Variants in POR observed in about 807,000 individuals in gnomAD.
POR encodes cytochrome p450 oxidoreductase.
A neutral mutation model predicts 84.0 loss-of-function variants in POR; 56 were observed. The observed-to-expected ratio is 0.67, with a 90% confidence interval of 0.54 to 0.83. POR has a LOEUF of 0.83. Ranked by LOEUF, POR falls within the 40% of genes least tolerant of loss-of-function variation. POR has a pLI of 0.00. For synonymous variants in POR, 414 were observed against 400.5 expected, an observed-to-expected ratio of 1.03 and a Z score of -0.40; for missense variants, 938 against 944.3, an observed-to-expected ratio of 0.99 and a Z score of 0.09.
intron 3 of POR, among the ~76,000 whole-genome samples, chr7:75,977,298 T>C (rs1445970782): frequency 6.6e-6 from 1 of 152,222 alleles, no homozygotes; most frequent in Non-Finnish European, 1.5e-5. Context: ...GTCTCTAAGA[T>C]ATCACAGAAG....
chr7:75,986,585 C>A lies in POR; in HGVS notation c.*104C>A. On this transcript the variant is annotated 3_prime_UTR_variant, in exon 16 of 16. Coordinates refer to ENST00000461988, the MANE Select transcript of POR (RefSeq NM_000941.3). The stretch of plus-strand genomic sequence containing the variant: ...GTGTTTGGCTTGGCCTTGGCATGGG[C>A]GCAGGCCCAGTGACAAAGACTCCTC... 4 of 1,419,486 alleles carry A rather than the reference C, an allele frequency of 2.8e-6. No individual in the cohort carries two copies. Among genetic ancestry groups the A allele is most frequent in the South Asian group, 1.3e-5 (1 of 76,652 alleles). 87.9% of individuals were successfully genotyped at this position (1,419,486 alleles called of 1,614,324 possible).
At chr7:75,941,789 G>A (rs1554551531) in intron 1 of POR, among the ~76,000 whole-genome samples, 2 of 152,146 alleles carry the variant, frequency 1.3e-5, no homozygotes, top group African/African-American at 2.4e-5. Context: ...ACCAGCCTGG[G>A]CAACTTAGCC....
chr7:75,960,507 G>A (rs1305424569), intron 2 of POR, among the ~76,000 whole-genome samples: 7 of 151,798 alleles, frequency 4.6e-5, no homozygotes, highest in Non-Finnish European at 8.8e-5. Context: ...ACATGGTCTC[G>A]CTCTGTTGCC....
intron 1 of POR, among the ~76,000 whole-genome samples, chr7:75,935,021 C>T (rs985185439): frequency 1.3e-5 from 2 of 152,136 alleles, no homozygotes; most frequent in Non-Finnish European, 2.9e-5. Context: ...AAGGGGGCCA[C>T]TGTCCTCCAG....
At chr7:75,957,702 C>G (rs1396911205) in intron 2 of POR, among the ~76,000 whole-genome samples, 2 of 152,160 alleles carry the variant, frequency 1.3e-5, no homozygotes, top group African/African-American at 2.4e-5. Context: ...TCTCACTGTT[C>G]CTCTTTGCCA....
intron 2 of POR, chr7:75,968,021 G>A (rs1246957130): frequency 6.6e-6 from 3 of 454,514 alleles, no homozygotes; most frequent in African/African-American, 6.0e-5. Flanking sequence ...CCCTGCTGGT[G>A]TCCAGGAGAG....
At chr7:75,931,543 A>AT (rs1357943665) in intron 1 of POR, among the ~76,000 whole-genome samples, 1 of 151,572 alleles carries the variant, frequency 6.6e-6, no homozygotes, top group Non-Finnish European at 1.5e-5. Flanking sequence ...ATTTTTTTGT[A>AT]TTTTTAGTAG....
chr7:75,934,183 TCA>T (rs1807562718), intron 1 of POR, among the ~76,000 whole-genome samples: 1 of 150,156 alleles, frequency 6.7e-6, no homozygotes, highest in African/African-American at 2.4e-5. Context: ...CTTAGATCAC[TCA>T]GTCTTTGTTT....
intron 3 of POR, among the ~76,000 whole-genome samples, chr7:75,977,592 G>A (rs963516020): frequency 2.0e-5 from 3 of 152,112 alleles, no homozygotes; most frequent in Non-Finnish European, 4.4e-5. Flanking sequence ...CCTGGCCAAC[G>A]TGTTGAAACC....
At chr7:75,930,241 A>C (rs1807346107) in intron 1 of POR, among the ~76,000 whole-genome samples, 1 of 152,162 alleles carries the variant, frequency 6.6e-6, no homozygotes, top group Non-Finnish European at 1.5e-5. Flanking sequence ...AGTGCTGTGT[A>C]GACTAGGCAG....
intron 3 of POR, among the ~76,000 whole-genome samples, chr7:75,974,488 G>A (rs1385512042): frequency 6.8e-6 from 1 of 147,714 alleles, no homozygotes; most frequent in Non-Finnish European, 1.5e-5. Context: ...ACCCACCTAG[G>A]TCTAGATGGC....
In POR at chr7:75,981,153, T is replaced by A; in HGVS notation, c.622T>A (p.Leu208Met). The stretch of plus-strand genomic sequence containing the variant: ...CGCCCAGCGCATCTTTGAGCTGGGG[T>A]TGGGCGACGACGATGGGAAGTGAGT... The change falls in exon 6 of 16, where the codon TTG becomes ATG. Residue 208 changes from leucine to methionine, a missense_variant. Coordinates refer to ENST00000461988, the MANE Select transcript of POR (RefSeq NM_000941.3). 1 of 1,549,112 alleles carries A rather than the reference T, an allele frequency of 6.5e-7. No individual in the cohort carries two copies. The highest frequency in any genetic ancestry group is 8.7e-7 in the Non-Finnish European group (1 of 1,146,706).
intron 3 of POR, 147 bp from the exon 4 acceptor site, chr7:75,979,304 C>A: frequency 1.1e-6 from 1 of 943,260 alleles, no homozygotes; most frequent in Non-Finnish European, 1.6e-6. Flanking sequence ...AGAAGCAAGT[C>A]CCAGAGGAAC....
chr7:75,986,272 C>T (rs1188471433), intron 15 of POR, 31 bp downstream of exon 15: 2 of 1,612,438 alleles, frequency 1.2e-6, no homozygotes, highest in African/African-American at 2.7e-5. Flanking sequence ...GAATAGGGGG[C>T]AGGGAGGACA....
At chr7:75,984,657 G>A in intron 10 of POR, 120 bp from the exon 11 acceptor site, 1 of 881,318 alleles carries the variant, frequency 1.1e-6, no homozygotes, top group Non-Finnish European at 1.9e-6. Context: ...CTTGTTTCCA[G>A]CACCAGCTGG....
At position 75,983,599 on chromosome 7, in the gene POR, A is replaced by G. The variant is rs1172953147; in HGVS notation, c.910A>G (p.Met304Val). The change falls in exon 9 of 16, where the codon ATG becomes GTG. Residue 304 changes from methionine to valine, a missense_variant. Met to Val is a conservative substitution (Grantham distance 21). Transcript: ENST00000461988. ...GAACCAGGGAACCGAGCGCCACCTC[A>G]TGCACCTGGAATTGGACATCTCGGA... The G allele has an allele frequency of 1.2e-6, 2 of 1,612,712 alleles. No individual in the cohort carries two copies. Among genetic ancestry groups the G allele is most frequent in the African/African-American group, 2.7e-5 (2 of 74,872 alleles).
At chr7:75,960,101 C>G (rs1314503182) in intron 2 of POR, among the ~76,000 whole-genome samples, 1 of 151,912 alleles carries the variant, frequency 6.6e-6, no homozygotes, top group African/African-American at 2.4e-5. Context: ...ATCAGCCTGG[C>G]AACATGACGA....
intron 2 of POR, among the ~76,000 whole-genome samples, chr7:75,959,866 A>G (rs1176060731): frequency 2.0e-5 from 3 of 152,240 alleles, no homozygotes; most frequent in Non-Finnish European, 4.4e-5. Context: ...TTTCTATTCC[A>G]TGAACATTGT....
At chr7:75,918,525 A>G (rs58801871) in intron 1 of POR, 12,242 of 152,134 alleles carry the variant, frequency 0.08, 1,556 homozygotes, top group African/African-American at 0.27. Context: ...AGCTCAGAAC[A>G]TGTTAACCCT....
Sources: gnomAD v4.1 joint callset for allele counts (sites outside exome capture counted in the v4.1 genomes callset) on GRCh38, gnomAD v4.1.1 for gene constraint, MANE v1.5 for transcripts, NCBI Gene and HGNC (gene_info 2026-07-23, HGNC 2026-07-21) for gene names.